WNT7B: variants seen among roughly 807,000 people sequenced by gnomAD.
The protein encoded by WNT7B is protein Wnt-7b.
In WNT7B, 19 loss-of-function variants were observed where a neutral mutation model predicts 38.2. The observed-to-expected ratio is 0.50, with a 90% confidence interval of 0.35 to 0.73. The LOEUF (loss-of-function observed/expected upper bound fraction) is 0.73. Among genes scored for constraint, WNT7B ranks in the 30% least tolerant of loss-of-function variants. The pLI, the probability that WNT7B is intolerant of heterozygous loss-of-function variation, is 0.01. For synonymous variants in WNT7B, 243 were observed against 209.3 expected, an observed-to-expected ratio of 1.16 and a Z score of -1.39; for missense variants, 423 against 507.9, an observed-to-expected ratio of 0.83 and a Z score of 1.61.
intron 1 of WNT7B, among the ~76,000 whole-genome samples, chr22:45,953,919 T>C (rs916858781): frequency 1.3e-5 from 2 of 152,104 alleles, no homozygotes; most frequent in African/African-American, 4.8e-5. Context: ...TAGATTCAAA[T>C]GAACCGAAGA....
At chr22:45,927,452 C>A in intron 3 of WNT7B, 1 of 1,549,190 alleles carries the variant, frequency 6.5e-7, no homozygotes, top group Non-Finnish European at 8.7e-7. Flanking sequence ...AACGGCATAG[C>A]AACCCCCCAA....
At chr22:45,972,116 G>GGGGGGGGGGGCCCCCCCCCCC in intron 1 of WNT7B, 3 of 530,742 alleles carry the variant, frequency 5.7e-6, no homozygotes, top group Non-Finnish European at 6.6e-6. Context: ...CCCGGGGGGA[G>GGGGGGGGGGGCCCCCCCCCCC]CCCACCCGCC....
chr22:45,927,208 G>A (rs4075074), intron 3 of WNT7B: 41,568 of 985,358 alleles, frequency 0.042, 1,315 homozygotes, highest in Admixed American at 0.15. Context: ...GCTGGGGGCC[G>A]GGCACTGGGC....
chr22:45,949,914 C>A lies in WNT7B; in HGVS notation c.298+6G>T, dbSNP rs946527899. On this transcript the variant is annotated splice_donor_region_variant and intron_variant, in intron 2 of 3. Coordinates refer to ENST00000339464, the MANE Select transcript of WNT7B (RefSeq NM_058238.3). ...CTGGGCCCCTTGAGCCCAGAGGCGC[C>A]CTTACCTACTCGGAGCTCTTGCCCG... is the stretch of plus-strand genomic sequence containing the variant. The A allele has an allele frequency of 1.2e-6, 2 of 1,604,636 alleles. No homozygotes were observed. Among genetic ancestry groups the A allele is most frequent in the African/African-American group, 2.7e-5 (2 of 74,800 alleles).
intron 3 of WNT7B, among the ~76,000 whole-genome samples, chr22:45,923,744 A>C (rs1447662014): frequency 6.6e-6 from 1 of 152,094 alleles, no homozygotes; most frequent in Admixed American, 6.5e-5. Flanking sequence ...GTAGGTGCTT[A>C]ATAAATGCTC....
At chr22:45,927,276 C>A in intron 3 of WNT7B, 2 of 985,366 alleles carry the variant, frequency 2.0e-6, no homozygotes, top group South Asian at 4.7e-5. Context: ...AGGCACCCTG[C>A]GGCAGCCCAT....
chr22:45,939,412 A>G (rs1185345085), intron 2 of WNT7B, among the ~76,000 whole-genome samples: 2 of 152,358 alleles, frequency 1.3e-5, no homozygotes, highest in African/African-American at 4.8e-5. Flanking sequence ...ACGAAAGGAT[A>G]AAGAAAATGT....
At chr22:45,944,308 C>A (rs1429242869) in intron 2 of WNT7B, among the ~76,000 whole-genome samples, 1 of 152,220 alleles carries the variant, frequency 6.6e-6, no homozygotes. Context: ...AGCCGCCTAG[C>A]CCACAGGGCC....
chr22:45,966,140 G>A lies in WNT7B; in HGVS notation c.71+10544C>T, dbSNP rs1028312520. ...AGCAGACCCTGGGCACTGTGCACAC[G>A]TCAGTCCCACTAGGGAGGGCCTTCT... On this transcript the variant is annotated intron_variant, in intron 1 of 3. Transcript: ENST00000339464. This position sits in a 1 kb window ranked among gnomAD's most constrained non-coding sequence, Gnocchi z 4.2. 3.3e-5 allele frequency among the ~76,000 whole-genome samples: 5 copies of A among 152,142 alleles called. No individual in the cohort carries two copies. The highest frequency in any genetic ancestry group is 1.9e-4 in the East Asian group (1 of 5,190).
chr22:45,974,958 G>C (rs1932521638), intron 1 of WNT7B, among the ~76,000 whole-genome samples: 1 of 152,122 alleles, frequency 6.6e-6, no homozygotes, highest in Admixed American at 6.5e-5. Context: ...TGCTGTCTAT[G>C]GGGGTTCCTA....
In WNT7B at chr22:45,976,211, C is replaced by A. The variant is rs1365623269; in HGVS notation, c.71+473G>T. Among the ~76,000 whole-genome samples the A allele has an allele frequency of 6.8e-6, 1 of 146,298 alleles. No individual in the cohort carries two copies. The highest frequency in any genetic ancestry group is 2.0e-4 in the East Asian group (1 of 5,036). On this transcript the variant is annotated intron_variant, in intron 1 of 3. Coordinates refer to ENST00000339464, the MANE Select transcript of WNT7B (RefSeq NM_058238.3). This position sits in a 1 kb window ranked among gnomAD's most constrained non-coding sequence, Gnocchi z 8.5. ...AGACGAAGGGCCGCGGCGGGTGCCC[C>A]GGCCTGCGCGCTCGCGGCCGGGTGC... is the stretch of plus-strand genomic sequence containing the variant.
At chr22:45,941,744 G>A (rs10454402) in intron 2 of WNT7B, among the ~76,000 whole-genome samples, 28,115 of 152,120 alleles carry the variant, frequency 0.18, 3,116 homozygotes, top group South Asian at 0.38. Context: ...CCCACCTCCC[G>A]GGGCCAACTC....
In WNT7B at chr22:45,975,482, T is replaced by TC. The variant is rs140813818; in HGVS notation, c.71+1201dup. 3.0e-3 allele frequency: 2,159 copies of TC among 711,440 alleles called. 33 individuals carry two copies. In the African/African-American group the frequency reaches 0.033, roughly 11 times the overall value. The allele number at this position is 711,440 out of a possible 1,614,324, so 44.1% of individuals were successfully genotyped here. A position where few individuals can be genotyped will look rare whatever the true frequency, so the allele number is the denominator to read the frequency against. On this transcript the variant is annotated intron_variant, in intron 1 of 3. Coordinates refer to ENST00000339464, the MANE Select transcript of WNT7B (RefSeq NM_058238.3). This position sits in a 1 kb window ranked among gnomAD's most constrained non-coding sequence, Gnocchi z 6.6. Reference sequence around the variant, plus strand: ...CAGGGCTCAGGCTAGGACGGGGGCTTCCAGTCCTGCCTCTGAAGCCACTGG... The same window carrying TC: ...CAGGGCTCAGGCTAGGACGGGGGCTTCCCAGTCCTGCCTCTGAAGCCACTGG...
intron 3 of WNT7B, chr22:45,927,074 C>T (rs750116687): frequency 2.0e-6 from 2 of 985,334 alleles, no homozygotes; most frequent in East Asian, 2.3e-4. Flanking sequence ...GGACAACAGC[C>T]CCCAGGCCTC....
In WNT7B at chr22:45,965,282, G is replaced by C. The variant is rs1932287527; in HGVS notation, c.71+11402C>G. ...TCTTCCCTGGGCCACCCTCATCACAGATGGCTTAGAGCTCCTGCTGTGGGT... is the reference window on the plus strand; with the variant it reads ...TCTTCCCTGGGCCACCCTCATCACACATGGCTTAGAGCTCCTGCTGTGGGT... On this transcript the variant is annotated intron_variant, in intron 1 of 3. Transcript: ENST00000339464. The surrounding 1 kb of genome is among the most constrained non-coding windows in gnomAD (Gnocchi z 6.5). 6.6e-6 allele frequency among the ~76,000 whole-genome samples: 1 copy of C among 152,216 alleles called. No homozygotes were observed. Among genetic ancestry groups the C allele is most frequent in the African/African-American group, 2.4e-5 (1 of 41,452 alleles).
rs1034213069 is a variant in WNT7B at position 45,976,932 on chromosome 22, T to TGCCGCC, written c.-184_-179dup. The TGCCGCC allele has an allele frequency of 4.5e-5, 45 of 989,862 alleles. No individual in the cohort carries two copies. Among genetic ancestry groups the TGCCGCC allele is most frequent in the Non-Finnish European group, 5.3e-5 (44 of 833,432 alleles). The allele number at this position is 989,862 out of a possible 1,614,324, so 61.3% of individuals were successfully genotyped here. A position where few individuals can be genotyped will look rare whatever the true frequency, so the allele number is the denominator to read the frequency against. ...CGCTGCCACCATGGTGAGCCCGGGA[T>TGCCGCC]GCCGCCGCCGCCACCGCCGCGTGAG... On this transcript the variant is annotated 5_prime_UTR_variant, in exon 1 of 4. Transcript: ENST00000339464. The surrounding 1 kb of genome is among the most constrained non-coding windows in gnomAD (Gnocchi z 8.5).
chr22:45,956,845 C>T (rs1298771123), intron 1 of WNT7B, among the ~76,000 whole-genome samples: 1 of 152,164 alleles, frequency 6.6e-6, no homozygotes, highest in Admixed American at 6.5e-5. Context: ...CGGTGGCTCA[C>T]GCCTGTAATC....
intron 2 of WNT7B, among the ~76,000 whole-genome samples, chr22:45,938,384 C>T (rs1317064247): frequency 6.6e-6 from 1 of 152,090 alleles, no homozygotes; most frequent in Non-Finnish European, 1.5e-5. Flanking sequence ...CACCTGTAAT[C>T]TCAGCACTTC....
chr22:45,927,592 G>A, intron 3 of WNT7B: 1 of 1,002,898 alleles, frequency 1.0e-6, no homozygotes, highest in Non-Finnish European at 1.5e-6. Context: ...CAATGAGAGT[G>A]TCCATATAAG....
Sources: allele counts gnomAD v4.1 joint callset (sites outside exome capture counted in the v4.1 genomes callset), GRCh38; gene constraint gnomAD v4.1.1; non-coding constraint Gnocchi (gnomAD v3.1); transcripts MANE v1.5; gene names NCBI Gene and HGNC (gene_info 2026-07-23, HGNC 2026-07-21).